Variants in HPSE2 observed in about 807,000 individuals in gnomAD.
HPSE2 encodes the protein inactive heparanase-2.
HPSE2 carries 38 observed loss-of-function variants against 60.5 expected under a neutral mutation model. The observed-to-expected ratio is 0.63, with a 90% confidence interval of 0.48 to 0.82. The LOEUF (loss-of-function observed/expected upper bound fraction) is 0.82, where lower values mean the gene tolerates loss of function less well. Among genes scored for constraint, HPSE2 ranks in the 40% least tolerant of loss-of-function variants. HPSE2 has a pLI of 0.00. For missense variants in HPSE2, 713 were observed against 740.4 expected (o/e 0.96, Z 0.43); for synonymous variants, 295 against 293.2 (o/e 1.01, Z -0.06).
the HPSE2 span, among the ~76,000 whole-genome samples, chr10:99,257,593 G>A: frequency 6.6e-6 from 1 of 152,262 alleles, no homozygotes; most frequent in Non-Finnish European, 1.5e-5. Flanking sequence ...CCTGTCTCCT[G>A]ATAAGATGTT....
the HPSE2 span, among the ~76,000 whole-genome samples, chr10:99,310,432 C>A: frequency 6.6e-6 from 1 of 152,054 alleles, no homozygotes; most frequent in Non-Finnish European, 1.5e-5. Context: ...AAAGAAAAAC[C>A]TACAGTGTTC....
chr10:99,175,757 G>A (rs1339469788), intron 2 of HPSE2, among the ~76,000 whole-genome samples: 1 of 152,198 alleles, frequency 6.6e-6, no homozygotes, highest in Non-Finnish European at 1.5e-5. Context: ...TCCCAGCACA[G>A]GGTTCGAGTT....
intron 3 of HPSE2, among the ~76,000 whole-genome samples, chr10:98,822,875 C>T (rs973082137): frequency 1.3e-5 from 2 of 152,142 alleles, no homozygotes; most frequent in Non-Finnish European, 2.9e-5. Flanking sequence ...CTAGAACCTA[C>T]GAATGTTACT....
chr10:99,058,211 T>A (rs1425002824), intron 3 of HPSE2, among the ~76,000 whole-genome samples: 2 of 152,230 alleles, frequency 1.3e-5, no homozygotes, highest in East Asian at 1.9e-4. Flanking sequence ...TGGAATTTTT[T>A]AAATCTGCTT....
chr10:98,904,392 G>A (rs186519945), intron 3 of HPSE2, among the ~76,000 whole-genome samples: 1 of 152,096 alleles, frequency 6.6e-6, no homozygotes, highest in Non-Finnish European at 1.5e-5. Flanking sequence ...AAGAACACAG[G>A]CATGGTAGAA....
intron 4 of HPSE2, among the ~76,000 whole-genome samples, chr10:98,737,145 T>A (rs191578014): frequency 0.012 from 1,820 of 152,296 alleles, 24 homozygotes; most frequent in African/African-American, 0.041. Context: ...CTAAAGCTCT[T>A]AGCTGTGACC....
chr10:99,086,339 GTACTTTCTTTTTT>G (rs1460032413), intron 3 of HPSE2, among the ~76,000 whole-genome samples: 43 of 140,728 alleles, frequency 3.1e-4, no homozygotes, highest in African/African-American at 1.0e-3. Flanking sequence ...ATACGGAAAA[GTACTTTCTTTTTT>G]TTTTTTTTTT....
chr10:99,228,808 G>A (rs1849554824), intron 2 of HPSE2, among the ~76,000 whole-genome samples: 1 of 152,190 alleles, frequency 6.6e-6, no homozygotes, highest in Admixed American at 6.6e-5. Context: ...TGCTCAGAAA[G>A]TATCTGGAAA....
rs1042759969 is a variant in HPSE2 at position 98,700,042 on chromosome 10, G to A, written c.957-6095C>T. ...TCCATGCTCATGGGTAGGAAGAATC[G>A]ATATCATGAAAATGGCCATACTGCC... On this transcript the variant is annotated intron_variant, in intron 5 of 11. Coordinates refer to ENST00000370552, the MANE Select transcript of HPSE2 (RefSeq NM_021828.5). 6.1e-3 allele frequency among the ~76,000 whole-genome samples: 917 copies of A among 151,470 alleles called. 5 individuals carry two copies. Among genetic ancestry groups the A allele is most frequent in the African/African-American group, 0.021 (866 of 41,364 alleles).
intron 9 of HPSE2, among the ~76,000 whole-genome samples, chr10:98,589,826 C>A (rs1367914373): frequency 6.6e-6 from 1 of 152,234 alleles, no homozygotes; most frequent in Non-Finnish European, 1.5e-5. Context: ...TGTCCTCAGC[C>A]ATGACTGGAA....
chr10:98,646,961 C>T (rs1946786463), intron 6 of HPSE2, among the ~76,000 whole-genome samples: 1 of 152,140 alleles, frequency 6.6e-6, no homozygotes, highest in Non-Finnish European at 1.5e-5. Flanking sequence ...AAAATTTCCC[C>T]TAATTAGTTT....
intron 5 of HPSE2, among the ~76,000 whole-genome samples, chr10:98,696,319 C>T (rs1046870999): frequency 3.4e-5 from 3 of 87,888 alleles, no homozygotes; most frequent in African/African-American, 1.0e-4. Flanking sequence ...AAAAAAAAAA[C>T]CATAATAGCG....
the HPSE2 span, among the ~76,000 whole-genome samples, chr10:99,253,579 A>G: frequency 6.6e-6 from 1 of 152,316 alleles, no homozygotes; most frequent in African/African-American, 2.4e-5. Context: ...CTGAAAAGCA[A>G]CTACAACAAA....
intron 2 of HPSE2, among the ~76,000 whole-genome samples, chr10:99,156,127 G>A (rs1315517253): frequency 2.8e-5 from 4 of 140,666 alleles, no homozygotes; most frequent in African/African-American, 1.0e-4. Flanking sequence ...CAACCAAAAA[G>A]AGTCCAGGAC....
At chr10:99,173,386 A>T (rs985670417) in intron 2 of HPSE2, among the ~76,000 whole-genome samples, 3 of 152,198 alleles carry the variant, frequency 2.0e-5, no homozygotes, top group Non-Finnish European at 2.9e-5. Flanking sequence ...CCAAATGAAT[A>T]TGGAGATTAG....
intron 9 of HPSE2, among the ~76,000 whole-genome samples, chr10:98,600,675 G>T (rs1945371381): frequency 6.6e-6 from 1 of 151,362 alleles, no homozygotes; most frequent in African/African-American, 2.4e-5. Flanking sequence ...TTAATTAAAT[G>T]CTGTATGTAT....
At chr10:98,955,947 G>A (rs1955499876) in intron 3 of HPSE2, among the ~76,000 whole-genome samples, 1 of 152,000 alleles carries the variant, frequency 6.6e-6, no homozygotes, top group African/African-American at 2.4e-5. Flanking sequence ...CACACACCAG[G>A]GCCTCTCAGG....
chr10:98,467,393 G>A (rs1039091235), intron 11 of HPSE2, among the ~76,000 whole-genome samples: 2 of 152,130 alleles, frequency 1.3e-5, no homozygotes, highest in Admixed American at 6.5e-5. Context: ...CCAGAAACCC[G>A]TTTTAGTCCA....
chr10:99,224,306 C>A (rs1849404100), intron 2 of HPSE2, among the ~76,000 whole-genome samples: 1 of 151,860 alleles, frequency 6.6e-6, no homozygotes, highest in Admixed American at 6.6e-5. Flanking sequence ...CAGCACTAAC[C>A]ACTAGTCAAG....
Sources: gnomAD v4.1 joint callset for allele counts (sites outside exome capture counted in the v4.1 genomes callset) on GRCh38, gnomAD v4.1.1 for gene constraint, MANE v1.5 for transcripts, NCBI Gene and HGNC (gene_info 2026-07-23, HGNC 2026-07-21) for gene names.